The following OTOF variants were observed in gnomAD, a reference collection of about 807,000 sequenced individuals.
OTOF encodes the protein otoferlin.
OTOF carries 218 observed loss-of-function variants against 236.8 expected under a neutral mutation model. That is an observed-to-expected ratio of 0.92 (90% CI 0.82 to 1.03). The LOEUF is 1.03. Ranked by LOEUF, OTOF falls within the 50% of genes least tolerant of loss-of-function variation. OTOF has a pLI of 0.00. For missense variants in OTOF, 2,590 were observed against 2,694.4 expected (o/e 0.96, Z 0.86); for synonymous variants, 1,041 against 1,072.5 (o/e 0.97, Z 0.57).
chr2:26,466,725 A>G lies in OTOF; in HGVS notation c.4489T>C (p.Tyr1497His). The G allele has an allele frequency of 6.2e-6, 10 of 1,614,226 alleles. No individual in the cohort carries two copies. The highest frequency in any genetic ancestry group is 8.5e-6 in the Non-Finnish European group (10 of 1,180,028). ...GACGGGAGTCTCACCCGGACCACAT[A>G]GACTCGGACCAGCACATTGATGGGG... ...NDPINVLVRV[Y>H]VVRATDLHPA... The change falls in exon 36 of 47, where the codon TAT becomes CAT. Residue 1497 changes from tyrosine to histidine, a missense_variant. By Grantham distance (83) the Tyr-to-His change is moderately conservative (BLOSUM62 2). Around this residue, in one of 2 missense-constraint regions of OTOF, gnomAD observed 1,211 missense variants for 1,352.8 expected, o/e 0.90. Transcript: ENST00000272371.
chr2:26,499,251 C>T (rs1186563731), intron 8 of OTOF, among the ~76,000 whole-genome samples: 4 of 152,082 alleles, frequency 2.6e-5, no homozygotes, highest in African/African-American at 4.8e-5. Flanking sequence ...AGAGTTTACA[C>T]GTGACGTGCA....
In OTOF at chr2:26,465,653, T is replaced by C; in HGVS notation, c.4799+19A>G. The C allele has an allele frequency of 6.2e-7, 1 of 1,613,542 alleles. No homozygotes were observed. Among genetic ancestry groups the C allele is most frequent in the East Asian group, 2.2e-5 (1 of 44,882 alleles). ...AAGCAGGCACACTGCCCCCGCCCTCTGCCCCATGCCCCACATACGTGGAGT... is the reference window on the plus strand; with the variant it reads ...AAGCAGGCACACTGCCCCCGCCCTCCGCCCCATGCCCCACATACGTGGAGT... On this transcript the variant is annotated intron_variant, in intron 38 of 46. Coordinates refer to ENST00000272371, the MANE Select transcript of OTOF (RefSeq NM_194248.3).
At chr2:26,508,227 CCTTCTTTGCATTGCTCAAACAG>C (rs1558505438) in intron 5 of OTOF, among the ~76,000 whole-genome samples, 1 of 152,180 alleles carries the variant, frequency 6.6e-6, no homozygotes, top group Non-Finnish European at 1.5e-5. Flanking sequence ...GGTCTGTGGT[CCTTCTTTGCATTGCTCAAACAG>C]CCCAATTTTC....
chr2:26,524,583 C>T (rs980412528), intron 3 of OTOF, among the ~76,000 whole-genome samples: 3 of 152,176 alleles, frequency 2.0e-5, no homozygotes, highest in Non-Finnish European at 2.9e-5. Context: ...GAGTCAATTT[C>T]CCGATTTCCC....
At chr2:26,499,199 G>A (rs958608325) in intron 8 of OTOF, among the ~76,000 whole-genome samples, 2 of 152,128 alleles carry the variant, frequency 1.3e-5, no homozygotes, top group Admixed American at 1.3e-4. Context: ...TCACAGGGGG[G>A]TGACTGTGGT....
intron 5 of OTOF, among the ~76,000 whole-genome samples, chr2:26,506,761 AG>A (rs752885400): frequency 4.6e-5 from 7 of 152,218 alleles, no homozygotes; most frequent in Non-Finnish European, 7.3e-5. Flanking sequence ...GCACTTTGGG[AG>A]GCCGAGGCAG....
At chr2:26,489,837 C>A in intron 9 of OTOF, 97 bp from the exon 10 acceptor site, 1 of 910,806 alleles carries the variant, frequency 1.1e-6, no homozygotes. Context: ...CTGTCTGCAC[C>A]CCAGACATTT....
intron 5 of OTOF, among the ~76,000 whole-genome samples, chr2:26,514,857 C>T (rs911560957): frequency 2.6e-5 from 4 of 152,170 alleles, no homozygotes; most frequent in Admixed American, 6.5e-5. Flanking sequence ...TCTTAGAGCC[C>T]GGCTTCTGGT....
chr2:26,519,244 G>A (rs553805933), intron 3 of OTOF, 135 bp from the exon 4 acceptor site: 210 of 681,082 alleles, frequency 3.1e-4, no homozygotes, highest in Middle Eastern at 1.0e-3. Context: ...GGCTGGAGAA[G>A]GTGGCCCAGG....
At chr2:26,545,555 C>G (rs1667311249) in intron 1 of OTOF, among the ~76,000 whole-genome samples, 1 of 152,002 alleles carries the variant, frequency 6.6e-6, no homozygotes, top group African/African-American at 2.4e-5. Context: ...TTAAGAAATG[C>G]AAGTTTTTAG....
chr2:26,518,552 A>G (rs892799156), intron 4 of OTOF, among the ~76,000 whole-genome samples: 13 of 152,370 alleles, frequency 8.5e-5, no homozygotes, highest in South Asian at 4.1e-4. Flanking sequence ...TAGACTGTGC[A>G]TCACTAGTGC....
chr2:26,461,765 A>C lies in OTOF; in HGVS notation c.5464T>G (p.Tyr1822Asp). Residue 1822 changes from tyrosine (Y) to aspartate (D), a missense_variant, in exon 43 of 47, where the codon TAC (tyrosine) becomes GAC (aspartate). Around this residue, in one of 2 missense-constraint regions of OTOF, gnomAD observed 1,211 missense variants for 1,352.8 expected, o/e 0.90. Transcript: ENST00000272371. This position sits in a 1 kb window ranked among gnomAD's most constrained non-coding sequence, Gnocchi z 6.2. Reference sequence around the variant, plus strand: ...AGGGTGAGCCGCGCGGGGATCTTGTACTCGGTCTCGTCCCAGGAGAACATG... The same window carrying C: ...AGGGTGAGCCGCGCGGGGATCTTGTCCTCGGTCTCGTCCCAGGAGAACATG... ...ESMFSWDETE[Y>D]KIPARLTLQI... 6.2e-7 allele frequency: 1 copy of C among 1,613,994 alleles called. No individual in the cohort carries two copies. The highest frequency in any genetic ancestry group is 8.5e-7 in the Non-Finnish European group (1 of 1,180,006).
chr2:26,502,719 G>A (rs1441590012), intron 6 of OTOF, among the ~76,000 whole-genome samples: 1 of 152,196 alleles, frequency 6.6e-6, no homozygotes, highest in African/African-American at 2.4e-5. Context: ...AGGGAATAAA[G>A]AATCCATACT....
intron 2 of OTOF, among the ~76,000 whole-genome samples, chr2:26,534,298 A>G (rs1005301669): frequency 6.6e-6 from 1 of 152,190 alleles, no homozygotes; most frequent in Non-Finnish European, 1.5e-5. Context: ...TGCTCCACAC[A>G]GGGCCTGTGT....
In OTOF at chr2:26,552,261, G is replaced by A. The variant is rs1471111212; in HGVS notation, c.79+6232C>T. On this transcript the variant is annotated intron_variant, in intron 1 of 46. Transcript: ENST00000272371. ...AAAAATTAGCTGAGCATGGTGGTGC[G>A]TGCCTGTAGTCCTAGCTACTCGGGA... is the stretch of plus-strand genomic sequence containing the variant. 5.9e-5 allele frequency among the ~76,000 whole-genome samples: 9 copies of A among 152,146 alleles called. No homozygotes were observed. In the South Asian group the frequency reaches 6.2e-4, roughly 11 times the overall value.
In OTOF at chr2:26,470,548, G is replaced by C; in HGVS notation, c.4023+45C>G. 1 of 1,593,256 alleles carries C rather than the reference G, an allele frequency of 6.3e-7. No individual in the cohort carries two copies. Among genetic ancestry groups the C allele is most frequent in the East Asian group, 2.2e-5 (1 of 44,734 alleles). On this transcript the variant is annotated intron_variant, in intron 32 of 46. Coordinates refer to ENST00000272371, the MANE Select transcript of OTOF (RefSeq NM_194248.3). This position sits in a 1 kb window ranked among gnomAD's most constrained non-coding sequence, Gnocchi z 4.3. ...GGAAAGAAGCTGGACAGGAGGGTCT[G>C]AGTGTGGAGGGGGTCACCTCCCCTC...
intron 46 of OTOF, 112 bp downstream of exon 46, chr2:26,459,892 GTGTT>G (rs1199807910): frequency 7.1e-5 from 70 of 987,260 alleles, no homozygotes; most frequent in East Asian, 1.0e-4. Context: ...ATGCTTGTGT[GTGTT>G]TGTGTGCACA....
Position 26,502,317 on chromosome 2 carries a change from A to G in OTOF, c.693T>C (p.Thr231=), listed in dbSNP as rs1447033669. Reference sequence around the variant, plus strand: ...CCACTCACCGCTTGTTGGAGACATTAGTGGTGAGAGCTGTGACTGAGGCTA... The same window carrying G: ...CCACTCACCGCTTGTTGGAGACATTGGTGGTGAGAGCTGTGACTGAGGCTA... The part of the protein sequence containing the change: ...VSLASVTALT[T]NVSNKRSKPD... The change falls in exon 7 of 47, where the codon ACT becomes ACC. Residue 231 remains threonine, a synonymous_variant. Coordinates refer to ENST00000272371, the MANE Select transcript of OTOF (RefSeq NM_194248.3). The G allele has an allele frequency of 6.2e-7, 1 of 1,614,078 alleles. No homozygotes were observed. The highest frequency in any genetic ancestry group is 1.3e-5 in the African/African-American group (1 of 75,038).
rs147889840 is a variant in OTOF, at chr2:26,519,125, G to A, written c.228-16C>T. 1,041 of 1,519,648 alleles carry A rather than the reference G, an allele frequency of 6.9e-4. 10 individuals carry two copies. The African/African-American group carries it at 0.012, about 18-fold the overall frequency. 94.1% of individuals were successfully genotyped at this position (1,519,648 alleles called of 1,614,324 possible). The stretch of plus-strand genomic sequence containing the variant: ...CCCGATGAGCCTGGGGATGGCAGAG[G>A]GGGCACGGTGGTAACATGGAAGAGA... On this transcript the variant is annotated splice_polypyrimidine_tract_variant and intron_variant, in intron 3 of 46. Coordinates refer to ENST00000272371, the MANE Select transcript of OTOF (RefSeq NM_194248.3).
Sources: allele counts gnomAD v4.1 joint callset (sites outside exome capture counted in the v4.1 genomes callset), GRCh38; gene constraint gnomAD v4.1.1; regional missense constraint gnomAD v4.1.1; non-coding constraint Gnocchi (gnomAD v3.1); transcripts MANE v1.5; gene names NCBI Gene and HGNC (gene_info 2026-07-23, HGNC 2026-07-21).